Variants in ABLIM1 observed in about 807,000 individuals in gnomAD.
ABLIM1 encodes actin binding LIM protein 1, also known as actin-binding LIM protein 1.
Under a neutral mutation model 107.0 loss-of-function variants are expected in ABLIM1, and 40 were observed. The observed-to-expected ratio is 0.37, with a 90% confidence interval of 0.29 to 0.49. ABLIM1 has a LOEUF of 0.49. ABLIM1 is among the 20% of genes least tolerant of loss of function. ABLIM1 has a pLI of 0.97. For missense variants in ABLIM1, 857 were observed against 1,008.5 expected (o/e 0.85, Z 2.04); for synonymous variants, 357 against 357.3 (o/e 1.00, Z 0.01).
chr10:114,762,313 G>A (rs150747487), intron 1 of ABLIM1, among the ~76,000 whole-genome samples: 1,952 of 152,256 alleles, frequency 0.013, 32 homozygotes, highest in African/African-American at 0.043. Flanking sequence ...GATTACAGGC[G>A]TGAGCCACTG....
At chr10:114,736,432 C>T (rs2082181917) in intron 1 of ABLIM1, among the ~76,000 whole-genome samples, 1 of 152,124 alleles carries the variant, frequency 6.6e-6, no homozygotes, top group Non-Finnish European at 1.5e-5. Context: ...AACAACAACG[C>T]TAAGCTACCA....
intron 22 of ABLIM1, 73 bp downstream of exon 22, chr10:114,437,771 C>T (rs904494620): frequency 4.8e-5 from 61 of 1,262,074 alleles, no homozygotes; most frequent in Non-Finnish European, 6.8e-5. Flanking sequence ...AGAAATAAAA[C>T]ATTGCTTAGG....
chr10:114,777,275 A>C, the ABLIM1 span, among the ~76,000 whole-genome samples: 1 of 152,176 alleles, frequency 6.6e-6, no homozygotes, highest in African/African-American at 2.4e-5. Flanking sequence ...TGTGTTTTTG[A>C]TTCTTTCTAG....
intron 10 of ABLIM1, among the ~76,000 whole-genome samples, chr10:114,472,658 AC>A (rs2133970833): frequency 1.3e-5 from 2 of 151,890 alleles, no homozygotes; most frequent in African/African-American, 4.8e-5. Context: ...CTAGACTAAG[AC>A]CCCCAGGAGA....
intron 2 of ABLIM1, among the ~76,000 whole-genome samples, chr10:114,586,139 T>A (rs139594166): frequency 5.6e-4 from 86 of 152,252 alleles, no homozygotes; most frequent in African/African-American, 1.9e-3. Context: ...CTAACTGGCA[T>A]CAAAATAGTG....
chr10:114,546,050 C>T (rs562126845), intron 5 of ABLIM1, among the ~76,000 whole-genome samples: 26 of 152,126 alleles, frequency 1.7e-4, no homozygotes, highest in Admixed American at 8.5e-4. Context: ...CCTGCAGACA[C>T]CACCTCCTCA....
chr10:114,608,657 A>G (rs2483592), intron 1 of ABLIM1, among the ~76,000 whole-genome samples: 126,205 of 151,966 alleles, frequency 0.83, 53,319 homozygotes, highest in East Asian at 1. Flanking sequence ...CAACAAGAGT[A>G]AAACTCTGTC....
chr10:114,447,295 T>C (rs76520808), intron 15 of ABLIM1, among the ~76,000 whole-genome samples: 348 of 152,252 alleles, frequency 2.3e-3, no homozygotes, highest in African/African-American at 7.6e-3. Context: ...TTCATGAAAA[T>C]GGTAGATGTA....
intron 6 of ABLIM1, among the ~76,000 whole-genome samples, chr10:114,519,610 G>A (rs2063428162): frequency 1.3e-5 from 2 of 152,156 alleles, no homozygotes; most frequent in Admixed American, 6.5e-5. Context: ...AAGGCCATCA[G>A]GCCATTTAAG....
At chr10:114,523,774 T>A (rs1480789195) in intron 6 of ABLIM1, among the ~76,000 whole-genome samples, 3 of 152,172 alleles carry the variant, frequency 2.0e-5, no homozygotes, top group Non-Finnish European at 4.4e-5. Flanking sequence ...GGTCTTTCCA[T>A]AGAAATCATT....
chr10:114,638,622 TACACACACAC>T (rs59605861), intron 1 of ABLIM1, among the ~76,000 whole-genome samples: 16,897 of 143,732 alleles, frequency 0.12, 1,273 homozygotes, highest in East Asian at 0.4. Flanking sequence ...ATGCCCTGCC[TACACACACAC>T]ACACACACAC....
chr10:114,571,153 A>G, intron 4 of ABLIM1, 144 bp downstream of exon 4: 1 of 689,340 alleles, frequency 1.5e-6, no homozygotes, highest in South Asian at 1.9e-5. Flanking sequence ...GGCCATTTTA[A>G]TGTCATCTTT....
At chr10:114,567,875 A>C (rs2070989361) in intron 4 of ABLIM1, among the ~76,000 whole-genome samples, 1 of 152,204 alleles carries the variant, frequency 6.6e-6, no homozygotes, top group Non-Finnish European at 1.5e-5. Context: ...AACATTATCA[A>C]GGGAGAGATT....
the ABLIM1 span, among the ~76,000 whole-genome samples, chr10:114,790,922 G>A: frequency 6.6e-6 from 1 of 152,074 alleles, no homozygotes; most frequent in African/African-American, 2.4e-5. Context: ...AAAATTACAT[G>A]TATTTGTAAA....
At chr10:114,550,870 T>G (rs939411955) in intron 4 of ABLIM1, among the ~76,000 whole-genome samples, 14 of 152,202 alleles carry the variant, frequency 9.2e-5, no homozygotes, top group African/African-American at 3.4e-4. Flanking sequence ...GCAGCAAAGA[T>G]TTTAATAATA....
chr10:114,761,290 G>C (rs1382809574), intron 1 of ABLIM1, among the ~76,000 whole-genome samples: 7 of 149,874 alleles, frequency 4.7e-5, no homozygotes, highest in Admixed American at 2.0e-4. Context: ...GTGTGGTTCT[G>C]ATTCCTATTG....
chr10:114,752,714 G>C (rs1305188435), intron 1 of ABLIM1, among the ~76,000 whole-genome samples: 1 of 152,136 alleles, frequency 6.6e-6, no homozygotes, highest in African/African-American at 2.4e-5. Context: ...TCCTGAGTTA[G>C]TTTGCTGAGG....
intron 2 of ABLIM1, among the ~76,000 whole-genome samples, chr10:114,580,205 T>TTATA (rs1555186173): frequency 6.9e-6 from 1 of 144,882 alleles, no homozygotes; most frequent in Non-Finnish European, 1.5e-5. Context: ...ATATTATATA[T>TTATA]TATATATATA....
intron 8 of ABLIM1, among the ~76,000 whole-genome samples, chr10:114,474,541 C>T (rs1390739305): frequency 6.6e-6 from 1 of 152,038 alleles, no homozygotes; most frequent in African/African-American, 2.4e-5. Flanking sequence ...CCACCATGCC[C>T]GGCTAATTTT....
Sources: gnomAD v4.1 joint callset for allele counts (sites outside exome capture counted in the v4.1 genomes callset) on GRCh38, gnomAD v4.1.1 for gene constraint, MANE v1.5 for transcripts, NCBI Gene and HGNC (gene_info 2026-07-23, HGNC 2026-07-21) for gene names.